MBNL2: variants seen among roughly 807,000 people sequenced by gnomAD.
MBNL2 encodes muscleblind like splicing regulator 2, also known as muscleblind-like protein 2.
Under a neutral mutation model 41.9 loss-of-function variants are expected in MBNL2, and 17 were observed. The ratio of observed to expected loss-of-function variants is 0.41; its 90% CI spans 0.28 to 0.61. MBNL2 has a LOEUF of 0.61. MBNL2 is among the 20% of genes least tolerant of loss of function. The pLI, the probability that MBNL2 is intolerant of heterozygous loss-of-function variation, is 0.35. For synonymous variants in MBNL2, 195 were observed against 182.9 expected (o/e 1.07, Z -0.53); for missense variants, 336 against 505.6 (o/e 0.66, Z 3.22).
intron 5 of MBNL2, among the ~76,000 whole-genome samples, chr13:97,347,832 C>G (rs1362465694): frequency 6.6e-6 from 1 of 152,138 alleles, no homozygotes; most frequent in Non-Finnish European, 1.5e-5. Flanking sequence ...CACCTAGAAG[C>G]CTGTGGAGCC....
intron 8 of MBNL2, among the ~76,000 whole-genome samples, chr13:97,389,377 A>G (rs1183734820): frequency 6.6e-6 from 1 of 152,174 alleles, no homozygotes; most frequent in Non-Finnish European, 1.5e-5. Flanking sequence ...CAAGAATCTA[A>G]ATGCATTCTA....
intron 1 of MBNL2, among the ~76,000 whole-genome samples, chr13:97,269,205 G>A (rs1271213762): frequency 6.6e-6 from 1 of 152,102 alleles, no homozygotes; most frequent in Non-Finnish European, 1.5e-5. Context: ...AACCAAAAAA[G>A]TCAAAAGAAG....
chr13:97,180,868 G>A, the MBNL2 span, among the ~76,000 whole-genome samples: 1 of 151,532 alleles, frequency 6.6e-6, no homozygotes, highest in Non-Finnish European at 1.5e-5. Flanking sequence ...TTATTTCACA[G>A]TTCTAAAGGT....
At chr13:97,310,873 C>A (rs2058543413) in intron 2 of MBNL2, among the ~76,000 whole-genome samples, 1 of 148,616 alleles carries the variant, frequency 6.7e-6, no homozygotes, top group Non-Finnish European at 1.5e-5. Flanking sequence ...GAGATGAACT[C>A]TTTATTAGAT....
At chr13:97,307,358 T>A (rs1170069797) in intron 2 of MBNL2, among the ~76,000 whole-genome samples, 1 of 152,076 alleles carries the variant, frequency 6.6e-6, no homozygotes, top group Non-Finnish European at 1.5e-5. Context: ...TTCCAGTTGC[T>A]TAAAAGAGAT....
the MBNL2 span, among the ~76,000 whole-genome samples, chr13:97,199,110 T>G: frequency 3.3e-5 from 5 of 152,128 alleles, no homozygotes. Flanking sequence ...TGGTCACACT[T>G]GCTGTTCTTC....
At chr13:97,267,010 G>A (rs962312043) in intron 1 of MBNL2, among the ~76,000 whole-genome samples, 2 of 152,204 alleles carry the variant, frequency 1.3e-5, no homozygotes, top group East Asian at 1.9e-4. Flanking sequence ...ACTGTGTGCT[G>A]CAGAATTATT....
the MBNL2 span, among the ~76,000 whole-genome samples, chr13:97,159,496 G>C: frequency 2.6e-3 from 395 of 152,054 alleles, 2 homozygotes; most frequent in African/African-American, 8.5e-3. Context: ...TAGTCTCGAT[G>C]GTCATTACAT....
chr13:97,349,757 G>A (rs1347462191), intron 5 of MBNL2, among the ~76,000 whole-genome samples: 1 of 152,084 alleles, frequency 6.6e-6, no homozygotes, highest in African/African-American at 2.4e-5. Flanking sequence ...AGAACCAACA[G>A]GTCACTCTCT....
chr13:97,337,970 T>C (rs140583631), intron 3 of MBNL2, among the ~76,000 whole-genome samples: 3 of 152,324 alleles, frequency 2.0e-5, no homozygotes, highest in Non-Finnish European at 2.9e-5. Context: ...CAACCTTTTA[T>C]CAAAATATCA....
the MBNL2 span, among the ~76,000 whole-genome samples, chr13:97,153,329 G>T: frequency 2.6e-5 from 4 of 152,190 alleles, no homozygotes; most frequent in South Asian, 8.3e-4. Flanking sequence ...GAGTGTGTGT[G>T]TGTGTGTGTA....
chr13:97,191,158 T>C, the MBNL2 span, among the ~76,000 whole-genome samples: 1 of 151,850 alleles, frequency 6.6e-6, no homozygotes, highest in Non-Finnish European at 1.5e-5. Context: ...CCATGAGAGT[T>C]GTGTTCACTT....
intron 2 of MBNL2, among the ~76,000 whole-genome samples, chr13:97,306,074 C>T (rs1285449293): frequency 1.3e-5 from 2 of 152,234 alleles, no homozygotes; most frequent in Non-Finnish European, 2.9e-5. Flanking sequence ...TTCCCTTTCT[C>T]TCTTCACACA....
intron 2 of MBNL2, among the ~76,000 whole-genome samples, chr13:97,303,217 C>A (rs2057805276): frequency 6.6e-6 from 1 of 152,036 alleles, no homozygotes; most frequent in Admixed American, 6.6e-5. Flanking sequence ...TGGCAAAAGT[C>A]TTTTGGGGTA....
chr13:97,240,686 T>A (rs1374772382), intron 1 of MBNL2, among the ~76,000 whole-genome samples: 4 of 152,178 alleles, frequency 2.6e-5, no homozygotes, highest in African/African-American at 7.2e-5. Context: ...ATGTTTACAT[T>A]TGAAGGAGAT....
At chr13:97,343,897 C>G (rs941447483) in intron 4 of MBNL2, among the ~76,000 whole-genome samples, 1 of 152,204 alleles carries the variant, frequency 6.6e-6, no homozygotes, top group African/African-American at 2.4e-5. Context: ...ACCTCCTCTG[C>G]CCGGGTTCAA....
chr13:97,193,996 G>T, the MBNL2 span, among the ~76,000 whole-genome samples: 2 of 152,106 alleles, frequency 1.3e-5, no homozygotes, highest in Non-Finnish European at 2.9e-5. Context: ...AATGTTACTT[G>T]GAACATCCTT....
At chr13:97,308,757 T>C (rs538025777) in intron 2 of MBNL2, among the ~76,000 whole-genome samples, 16 of 152,234 alleles carry the variant, frequency 1.1e-4, no homozygotes, top group South Asian at 4.2e-4. Flanking sequence ...AGCCTTCACT[T>C]TGGGGGAGTT....
At position 97,271,445 on chromosome 13, in the gene MBNL2, T is replaced by TA. The variant is rs753747504; in HGVS notation, c.-604-4178dup. The stretch of plus-strand genomic sequence containing the variant: ...TAAGATTTATTTATTTATTTATTTC[T>TA]AAAAAAAAACAAACAAAAAACAAAA... On this transcript the variant is annotated intron_variant, in intron 1 of 8. Transcript: ENST00000679496. Among the ~76,000 whole-genome samples the TA allele has an allele frequency of 7.2e-3, 1,081 of 149,280 alleles. 8 individuals carry two copies. Among genetic ancestry groups the TA allele is most frequent in the African/African-American group, 0.022 (893 of 39,938 alleles).
Sources: gnomAD v4.1 joint callset for allele counts (sites outside exome capture counted in the v4.1 genomes callset) on GRCh38, gnomAD v4.1.1 for gene constraint, MANE v1.5 for transcripts, NCBI Gene and HGNC (gene_info 2026-07-23, HGNC 2026-07-21) for gene names.